TMEM175: variants seen among roughly 807,000 people sequenced by gnomAD.
TMEM175 encodes endosomal/lysosomal proton channel TMEM175.
In TMEM175, 36 loss-of-function variants were observed where a neutral mutation model predicts 36.5. The observed-to-expected ratio is 0.99, with a 90% CI of 0.76 to 1.30. TMEM175 has a LOEUF of 1.30. Ranked by LOEUF, TMEM175 falls within the 50% of genes most tolerant of loss-of-function variation. The probability of loss-of-function intolerance (pLI) is 0.00; values close to 1 mark genes in which losing one functional copy is unlikely to be tolerated. For missense variants in TMEM175, 705 were observed against 692.8 expected (o/e 1.02, Z -0.20); for synonymous variants, 339 against 313.4 (o/e 1.08, Z -0.86).
chr4:947,197 C>T (rs768117506), intron 1 of TMEM175, among the ~76,000 whole-genome samples: 27 of 144,878 alleles, frequency 1.9e-4, no homozygotes, highest in Non-Finnish European at 3.4e-4. Context: ...AGGGAGAGCG[C>T]GGCCCCTGTA....
At position 947,791 on chromosome 4, in the gene TMEM175, C is replaced by T. The variant is rs777345206; in HGVS notation, c.52C>T (p.Pro18Ser). 6.2e-7 allele frequency: 1 copy of T among 1,612,920 alleles called. No individual in the cohort carries two copies. The highest frequency in any genetic ancestry group is 1.1e-5 in the South Asian group (1 of 91,062). Residue 18 changes from proline (P) to serine (S), a missense_variant, in exon 2 of 11, where the codon CCC becomes TCC. Coordinates refer to ENST00000264771, the MANE Select transcript of TMEM175 (RefSeq NM_032326.4). ...EQALDTPGDCPPGRRDEDAGE... is the reference protein window; with the variant it reads ...EQALDTPGDCSPGRRDEDAGE... ...GGCACTGGATACACCGGGGGACTGC[C>T]CCCCAGGCAGGAGAGACGAGGACGC... is the stretch of plus-strand genomic sequence containing the variant.
Position 950,499 on chromosome 4 carries a change from G to A in TMEM175, c.271G>A (p.Ala91Thr). 6.2e-7 allele frequency: 1 copy of A among 1,613,984 alleles called. No individual in the cohort carries two copies. Residue 91 changes from alanine (A) to threonine (T), a missense_variant, in exon 4 of 11, where the codon GCC (alanine) becomes ACC (threonine). Transcript: ENST00000264771. ...GATGACCTTTCTCATCGTGACAGTG[G>A]CCTGGGCAGCACACACAAGGTGGGG... is the stretch of plus-strand genomic sequence containing the variant. Reference protein sequence around the residue: ...YLMTFLIVTVAWAAHTRLFQV... With the variant: ...YLMTFLIVTVTWAAHTRLFQV...
At chr4:947,240 GC>G (rs35499970) in intron 1 of TMEM175, among the ~76,000 whole-genome samples, 51,620 of 144,050 alleles carry the variant, frequency 0.36, 9,387 homozygotes, top group African/African-American at 0.4. Context: ...GTGTGCACGG[GC>G]CCCGAGAGCG....
chr4:933,209 A>G (rs1022692278), intron 1 of TMEM175, among the ~76,000 whole-genome samples: 2 of 152,148 alleles, frequency 1.3e-5, no homozygotes, highest in Non-Finnish European at 1.5e-5. Context: ...ATTAGTTGCT[A>G]TCATTTAAAG....
In TMEM175 at chr4:953,225, C is replaced by G. The variant is rs550665836; in HGVS notation, c.498C>G (p.His166Gln). The stretch of plus-strand genomic sequence containing the variant: ...TGGGGTACGCATTCCACTTCCCGCA[C>G]CTGCTGAGCCCGCAGATCCAGCGCT... ...LIVGYAFHFP[H>Q]LLSPQIQRSA... Residue 166 changes from histidine to glutamine, a missense_variant, in exon 8 of 11, where the codon CAC becomes CAG. His to Gln is a conservative substitution (Grantham distance 24). Transcript: ENST00000264771. 40 of 1,613,350 alleles carry G rather than the reference C, an allele frequency of 2.5e-5. No homozygotes were observed. The South Asian group carries it at 3.5e-4, about 14-fold the overall frequency.
In TMEM175 at chr4:955,491, A is replaced by G. The variant is rs1419001502; in HGVS notation, c.706+8A>G. 6.2e-7 allele frequency: 1 copy of G among 1,613,518 alleles called. No individual in the cohort carries two copies. Among genetic ancestry groups the G allele is most frequent in the South Asian group, 1.1e-5 (1 of 91,022 alleles). On this transcript the variant is annotated splice_region_variant and intron_variant, in intron 9 of 10. Coordinates refer to ENST00000264771, the MANE Select transcript of TMEM175 (RefSeq NM_032326.4). ...GCAGAGACAGGCTCCTGGGTAGGTG[A>G]TGACTGGGTGGGCTGGCCTGAGAGG...
intron 10 of TMEM175, among the ~76,000 whole-genome samples, chr4:957,359 C>T (rs1577456933): frequency 6.6e-6 from 1 of 152,284 alleles, no homozygotes; most frequent in East Asian, 1.9e-4. Flanking sequence ...AGGGAGTTGG[C>T]CTCCTGAGAC....
intron 1 of TMEM175, among the ~76,000 whole-genome samples, chr4:939,274 C>G (rs1727148197): frequency 6.6e-6 from 1 of 152,216 alleles, no homozygotes; most frequent in Non-Finnish European, 1.5e-5. Flanking sequence ...ATTGGATATT[C>G]ACGTGTTTAG....
At chr4:939,068 G>A (rs1727127866) in intron 1 of TMEM175, among the ~76,000 whole-genome samples, 1 of 152,204 alleles carries the variant, frequency 6.6e-6, no homozygotes, top group Non-Finnish European at 1.5e-5. Context: ...AGGTTGAGGC[G>A]GGAGGATCCC....
Position 939,911 on chromosome 4 carries a change from C to T in TMEM175, c.-32+7371C>T, listed in dbSNP as rs567962260. 4.6e-5 allele frequency among the ~76,000 whole-genome samples: 7 copies of T among 152,152 alleles called. 1 individual carries two copies. The South Asian group carries it at 6.2e-4, about 14-fold the overall frequency. Reference sequence around the variant, plus strand: ...AAACAGATAAACTGGATTTCATCAGCGTGAAGAACTTTATAATATGCTGTT... The same window carrying T: ...AAACAGATAAACTGGATTTCATCAGTGTGAAGAACTTTATAATATGCTGTT... On this transcript the variant is annotated intron_variant, in intron 1 of 10. Coordinates refer to ENST00000264771, the MANE Select transcript of TMEM175 (RefSeq NM_032326.4).
chr4:953,488 G>A, intron 8 of TMEM175, 134 bp downstream of exon 8: 1 of 1,130,086 alleles, frequency 8.8e-7, no homozygotes, highest in Non-Finnish European at 1.2e-6. Flanking sequence ...GGTCTTGTGT[G>A]TGAGGCCCAG....
Position 945,384 on chromosome 4 carries a change from C to T in TMEM175, c.-31-2325C>T, listed in dbSNP as rs140885588. 7.3e-3 allele frequency among the ~76,000 whole-genome samples: 1,108 copies of T among 152,236 alleles called. 8 individuals carry two copies. Among genetic ancestry groups the T allele is most frequent in the South Asian group, 0.017 (80 of 4,810 alleles). On this transcript the variant is annotated intron_variant, in intron 1 of 10. Coordinates refer to ENST00000264771, the MANE Select transcript of TMEM175 (RefSeq NM_032326.4). ...TCTTTGCCGTCCTGTCGTCTCACTCCCCGCCGTCTGTCCCCACCGTTCATT... is the reference window on the plus strand; with the variant it reads ...TCTTTGCCGTCCTGTCGTCTCACTCTCCGCCGTCTGTCCCCACCGTTCATT...
At chr4:951,407 G>T (rs912373735) in intron 5 of TMEM175, 149 bp downstream of exon 5, 1 of 974,018 alleles carries the variant, frequency 1.0e-6, no homozygotes, top group East Asian at 2.5e-5. Context: ...CTCCTTGAAT[G>T]ATCTTTCCCT....
At chr4:952,102 G>T in intron 6 of TMEM175, 1 of 592,142 alleles carries the variant, frequency 1.7e-6, no homozygotes. Context: ...GGGGCTGTGT[G>T]CCACAAGGAA....
intron 6 of TMEM175, among the ~76,000 whole-genome samples, 184 bp from the exon 7 acceptor site, chr4:952,183 T>C (rs535173004): frequency 7.6e-4 from 115 of 151,934 alleles, no homozygotes; most frequent in Non-Finnish European, 7.5e-4. Flanking sequence ...TCTGGTGGAG[T>C]TGGTTGGGGT....
intron 10 of TMEM175, 196 bp downstream of exon 10, chr4:956,086 GCGGCCCCTCCCTTCCC>G (rs1173995883): frequency 1.4e-4 from 114 of 802,578 alleles, no homozygotes; most frequent in Middle Eastern, 1.4e-3. Flanking sequence ...TCCCTTCCCA[GCGGCCCCTCCCTTCCC>G]AGCGGCTCCC....
At chr4:955,378 A>C in intron 8 of TMEM175, 27 bp from the exon 9 acceptor site, 1 of 1,602,184 alleles carries the variant, frequency 6.2e-7, no homozygotes. Context: ...TGTGGAGGGC[A>C]CTGACCTGCG....
chr4:947,366 G>A lies in TMEM175; in HGVS notation c.-31-343G>A, dbSNP rs577944925. Among the ~76,000 whole-genome samples the A allele has an allele frequency of 1.5e-3, 224 of 152,314 alleles. 2 individuals carry two copies. The Middle Eastern group carries it at 0.017, about 12-fold the overall frequency. Reference sequence around the variant, plus strand: ...CATGCACGGTCAAGGGCCCCGCAGGGTGCTGTGTTCCTCTTCCACGTTTAG... The same window carrying A: ...CATGCACGGTCAAGGGCCCCGCAGGATGCTGTGTTCCTCTTCCACGTTTAG... On this transcript the variant is annotated intron_variant, in intron 1 of 10. Coordinates refer to ENST00000264771, the MANE Select transcript of TMEM175 (RefSeq NM_032326.4).
At position 951,717 on chromosome 4, in the gene TMEM175, G is replaced by A. The variant is rs765022881; in HGVS notation, c.378G>A (p.Thr126=). 160 of 1,613,936 alleles carry A rather than the reference G, an allele frequency of 9.9e-5. No individual in the cohort carries two copies. The highest frequency in any genetic ancestry group is 1.3e-4 in the Non-Finnish European group (151 of 1,179,988). The change falls in exon 6 of 11, where the codon ACG becomes ACA. Residue 126 remains threonine, a splice_region_variant and synonymous_variant. Coordinates refer to ENST00000264771, the MANE Select transcript of TMEM175 (RefSeq NM_032326.4). ...CMMTITFLPY[T]FSLMVTFPDV... The stretch of plus-strand genomic sequence containing the variant: ...TGACCATCACCTTCCTGCCTTACAC[G>A]GTGAGCAACACCAGGCCCCTGACAC...
Sources: allele counts gnomAD v4.1 joint callset (sites outside exome capture counted in the v4.1 genomes callset), GRCh38; gene constraint gnomAD v4.1.1; transcripts MANE v1.5; gene names NCBI Gene and HGNC (gene_info 2026-07-23, HGNC 2026-07-21).